TGFBR3: variants seen among roughly 807,000 people sequenced by gnomAD.
TGFBR3 encodes transforming growth factor beta receptor type 3.
A neutral mutation model predicts 87.9 loss-of-function variants in TGFBR3; 46 were observed. The ratio of observed to expected loss-of-function variants is 0.52; its 90% CI spans 0.41 to 0.67. The LOEUF is 0.67. Ranked by LOEUF, TGFBR3 falls within the 30% of genes least tolerant of loss-of-function variation. The pLI is 0.00. For missense variants in TGFBR3, 866 were observed against 1,041.9 expected (o/e 0.83, Z 2.32); for synonymous variants, 381 against 391.6 (o/e 0.97, Z 0.32).
upstream of TGFBR3, among the ~76,000 whole-genome samples, chr1:91,890,904 T>A (rs1571608992): frequency 2.2e-5 from 1 of 44,964 alleles, no homozygotes; most frequent in African/African-American, 6.9e-5. Flanking sequence ...TCATATTTCC[T>A]TTTTTTTTTT....
Position 91,720,143 on chromosome 1 carries a change from T to C in TGFBR3, c.1163A>G (p.Asn388Ser). The C allele has an allele frequency of 6.2e-7, 1 of 1,613,958 alleles. No individual in the cohort carries two copies. Among genetic ancestry groups the C allele is most frequent in the Non-Finnish European group, 8.5e-7 (1 of 1,179,968 alleles). ...GCCTTCCCCTCCCCGGATGGGCGGG[T>C]TCTGCAGGGCAGGCAGGGCACCAGG... Reference protein sequence around the residue: ...LDPGALPALQNPPIRGGEGQN... With the variant: ...LDPGALPALQSPPIRGGEGQN... The change falls in exon 9 of 17, where the codon AAC (asparagine) becomes AGC (serine). Residue 388 changes from asparagine to serine, a missense_variant. Physicochemically the swap from Asn to Ser is conservative, Grantham distance 46. Coordinates refer to ENST00000212355, the MANE Select transcript of TGFBR3 (RefSeq NM_003243.5).
At chr1:91,776,828 G>A (rs1201462318) in intron 3 of TGFBR3, among the ~76,000 whole-genome samples, 1 of 152,124 alleles carries the variant, frequency 6.6e-6, no homozygotes, top group Non-Finnish European at 1.5e-5. Flanking sequence ...TTAAAGACGA[G>A]GGCCGAAAGG....
intron 2 of TGFBR3, among the ~76,000 whole-genome samples, chr1:91,891,351 A>G (rs1457098559): frequency 6.6e-6 from 1 of 152,046 alleles, no homozygotes; most frequent in Non-Finnish European, 1.5e-5. Flanking sequence ...TACAAAAATT[A>G]GCTAGGCGTG....
chr1:91,851,423 G>A (rs917477361), intron 2 of TGFBR3, among the ~76,000 whole-genome samples: 1 of 152,222 alleles, frequency 6.6e-6, no homozygotes, highest in Non-Finnish European at 1.5e-5. Context: ...GGCCAATCAT[G>A]CGCCTCGGTG....
chr1:91,831,570 T>C (rs1676858794), intron 2 of TGFBR3, among the ~76,000 whole-genome samples: 1 of 152,206 alleles, frequency 6.6e-6, no homozygotes, highest in Non-Finnish European at 1.5e-5. Context: ...ACCTGCAGAT[T>C]TGGGTCAAAC....
At chr1:91,781,446 T>C (rs1674764254) in intron 3 of TGFBR3, among the ~76,000 whole-genome samples, 1 of 152,188 alleles carries the variant, frequency 6.6e-6, no homozygotes, top group African/African-American at 2.4e-5. Flanking sequence ...GTGCTATGCC[T>C]TCCAGAGGCC....
chr1:91,840,165 T>C (rs1331728832), intron 2 of TGFBR3, among the ~76,000 whole-genome samples: 2 of 143,878 alleles, frequency 1.4e-5, no homozygotes, highest in Non-Finnish European at 3.1e-5. Flanking sequence ...AAAAAAAAAA[T>C]ACAAAAATTA....
intron 2 of TGFBR3, among the ~76,000 whole-genome samples, chr1:91,820,801 T>C (rs1676422461): frequency 6.6e-6 from 1 of 152,250 alleles, no homozygotes; most frequent in Non-Finnish European, 1.5e-5. Flanking sequence ...ACATGTTCTT[T>C]TTGTATGTAA....
intron 2 of TGFBR3, among the ~76,000 whole-genome samples, chr1:91,812,016 CTT>C (rs908410603): frequency 1.3e-5 from 2 of 151,938 alleles, no homozygotes; most frequent in African/African-American, 4.8e-5. Flanking sequence ...TAGCTCCTCT[CTT>C]TTCCTCCCAA....
In TGFBR3 at chr1:91,685,262, C is replaced by T. The variant is rs894633813; in HGVS notation, c.2438-1405G>A. ...TAATTATCTTTTCTTCTGGGATTGG[C>T]GGGATGGATAGGGGACTGGGGTCAA... On this transcript the variant is annotated intron_variant, in intron 16 of 16. Coordinates refer to ENST00000212355, the MANE Select transcript of TGFBR3 (RefSeq NM_003243.5). 9.6e-5 allele frequency among the ~76,000 whole-genome samples: 14 copies of T among 145,088 alleles called. No homozygotes were observed. In the East Asian group the frequency reaches 2.7e-3, roughly 28 times the overall value.
intron 3 of TGFBR3, among the ~76,000 whole-genome samples, chr1:91,772,716 T>A (rs1441608338): frequency 6.6e-6 from 1 of 152,172 alleles, no homozygotes; most frequent in Non-Finnish European, 1.5e-5. Context: ...CTCTACTTTA[T>A]CATCTCTAAG....
chr1:91,884,696 C>T (rs1263577438), intron 1 of TGFBR3, among the ~76,000 whole-genome samples: 1 of 152,172 alleles, frequency 6.6e-6, no homozygotes, highest in African/African-American at 2.4e-5. Flanking sequence ...GTGCTTTTCC[C>T]ATAGAGATGC....
chr1:91,903,429 T>C (rs1679776207), intron 1 of TGFBR3, among the ~76,000 whole-genome samples: 1 of 151,342 alleles, frequency 6.6e-6, no homozygotes, highest in Non-Finnish European at 1.5e-5. Context: ...TGATTGTTGA[T>C]GGCAAATTCT....
chr1:91,708,795 C>T lies in TGFBR3; in HGVS notation c.2167-12G>A, dbSNP rs1671886272. The T allele has an allele frequency of 7.4e-6, 12 of 1,613,458 alleles. No homozygotes were observed. Among genetic ancestry groups the T allele is most frequent in the Non-Finnish European group, 1.0e-5 (12 of 1,179,848 alleles). ...TCAGGAGGCACACACTGCAGACAGG[C>T]AGAACAAAGCACAGAATCAGGGGCC... is the stretch of plus-strand genomic sequence containing the variant. On this transcript the variant is annotated splice_polypyrimidine_tract_variant and intron_variant, in intron 13 of 16. Coordinates refer to ENST00000212355, the MANE Select transcript of TGFBR3 (RefSeq NM_003243.5).
At chr1:91,804,433 C>T (rs968740970) in intron 2 of TGFBR3, among the ~76,000 whole-genome samples, 4 of 152,188 alleles carry the variant, frequency 2.6e-5, no homozygotes, top group African/African-American at 7.2e-5. Flanking sequence ...CCCTAGCCTT[C>T]CTGTCCCTTT....
intron 2 of TGFBR3, among the ~76,000 whole-genome samples, chr1:91,848,133 T>C (rs1199443693): frequency 6.6e-6 from 1 of 152,188 alleles, no homozygotes; most frequent in Non-Finnish European, 1.5e-5. Context: ...ACCAAAGGTG[T>C]TCAAGGTAGC....
intron 14 of TGFBR3, among the ~76,000 whole-genome samples, chr1:91,699,431 C>CTTTTTTTTTTTTTTTTTTTTT (rs60223260): frequency 4.9e-5 from 4 of 80,846 alleles, no homozygotes; most frequent in Non-Finnish European, 6.4e-5. Context: ...CTTTCTTTTG[C>CTTTTTTTTTTTTTTTTTTTTT]TTTTTTTTTT....
chr1:91,744,569 A>G (rs925148159), intron 4 of TGFBR3, among the ~76,000 whole-genome samples: 7 of 112,472 alleles, frequency 6.2e-5, no homozygotes, highest in African/African-American at 1.7e-4. Context: ...CTCAACATAA[A>G]TCAATGTCAA....
At chr1:91,708,008 T>C (rs888717226) in intron 14 of TGFBR3, among the ~76,000 whole-genome samples, 6 of 152,258 alleles carry the variant, frequency 3.9e-5, no homozygotes, top group African/African-American at 1.4e-4. Context: ...GGCTCTGCCC[T>C]GCCTGTCCTC....
Sources: allele counts gnomAD v4.1 joint callset (sites outside exome capture counted in the v4.1 genomes callset), GRCh38; gene constraint gnomAD v4.1.1; transcripts MANE v1.5; gene names NCBI Gene and HGNC (gene_info 2026-07-23, HGNC 2026-07-21).